OSBPL10: variants seen among roughly 807,000 people sequenced by gnomAD.
The protein encoded by OSBPL10 is oxysterol binding protein like 10.
In OSBPL10, 49 loss-of-function variants were observed where a neutral mutation model predicts 81.7. The ratio of observed to expected loss-of-function variants is 0.60; its 90% confidence interval spans 0.48 to 0.76. The LOEUF is 0.76. Ranked by LOEUF, OSBPL10 falls within the 30% of genes least tolerant of loss-of-function variation. OSBPL10 has a pLI of 0.00. For synonymous variants in OSBPL10, 419 were observed against 383.6 expected (o/e 1.09, Z -1.08); for missense variants, 923 against 987.8 (o/e 0.93, Z 0.88).
chr3:31,784,704 T>C (rs956958983), intron 4 of OSBPL10, among the ~76,000 whole-genome samples: 1 of 151,122 alleles, frequency 6.6e-6, no homozygotes, highest in Non-Finnish European at 1.5e-5. Context: ...CACCTCAGCC[T>C]CCCCAGTAAC....
In OSBPL10 at chr3:31,834,869, G is replaced by A. The variant is rs147170903; in HGVS notation, c.538-4638C>T. ...GTCAACTGCCTGAGTTCAAATCTGG[G>A]CTCCAACACTTGCAAGCTGTGTAAC... On this transcript the variant is annotated intron_variant, in intron 3 of 11. Coordinates refer to ENST00000396556, the MANE Select transcript of OSBPL10 (RefSeq NM_017784.5). Among the ~76,000 whole-genome samples the A allele has an allele frequency of 2.9e-3, 439 of 152,220 alleles. 3 individuals are homozygous for A. The highest frequency in any genetic ancestry group is 9.5e-3 in the African/African-American group (394 of 41,534).
chr3:31,763,051 G>A (rs981187653), intron 4 of OSBPL10, among the ~76,000 whole-genome samples: 8 of 152,034 alleles, frequency 5.3e-5, no homozygotes, highest in African/African-American at 1.2e-4. Context: ...CATCCGGAAC[G>A]GAATGAGAAC....
chr3:32,071,465 C>A (rs184468536), intron 1 of OSBPL10, among the ~76,000 whole-genome samples: 135 of 152,340 alleles, frequency 8.9e-4, no homozygotes, highest in Admixed American at 1.4e-3. Flanking sequence ...CATCCCAACC[C>A]TTTTCATTAC....
At chr3:31,733,690 T>G (rs1021704149) in intron 5 of OSBPL10, among the ~76,000 whole-genome samples, 31 of 54,416 alleles carry the variant, frequency 5.7e-4, no homozygotes, top group Admixed American at 8.1e-4. Flanking sequence ...AAGGTGTTTT[T>G]TTTTTTTTTT....
At chr3:31,929,384 T>C (rs994789979) in intron 1 of OSBPL10, among the ~76,000 whole-genome samples, 1 of 152,188 alleles carries the variant, frequency 6.6e-6, no homozygotes, top group Non-Finnish European at 1.5e-5. Flanking sequence ...TATGTGGCTT[T>C]AATACAGACA....
intron 1 of OSBPL10, among the ~76,000 whole-genome samples, chr3:31,947,629 TA>T (rs1163680958): frequency 1.3e-5 from 2 of 152,056 alleles, no homozygotes; most frequent in African/African-American, 2.4e-5. Flanking sequence ...GGTGGAAGTC[TA>T]AAGATGACCA....
chr3:31,891,129 A>G (rs1478893235), intron 1 of OSBPL10, among the ~76,000 whole-genome samples: 1 of 152,192 alleles, frequency 6.6e-6, no homozygotes, highest in Non-Finnish European at 1.5e-5. Flanking sequence ...CCTGAATTCA[A>G]AGTGTCCTTT....
chr3:31,896,273 C>T (rs890347095), intron 1 of OSBPL10, among the ~76,000 whole-genome samples: 2 of 152,186 alleles, frequency 1.3e-5, no homozygotes, highest in Non-Finnish European at 2.9e-5. Context: ...ACAATAATTA[C>T]TCCTCAAAAG....
chr3:31,990,708 T>G (rs948420228), intron 2 of OSBPL10: 1 of 1,613,984 alleles, frequency 6.2e-7, no homozygotes, highest in Non-Finnish European at 8.5e-7. Flanking sequence ...GTGAAGAATG[T>G]GACACAGTTT....
chr3:32,011,531 A>C (rs1261810084), intron 2 of OSBPL10, among the ~76,000 whole-genome samples: 2 of 152,222 alleles, frequency 1.3e-5, no homozygotes, highest in African/African-American at 4.8e-5. Context: ...AAAATCAGAG[A>C]GCCTCTCCTC....
chr3:31,900,260 C>T (rs138660472), intron 1 of OSBPL10, among the ~76,000 whole-genome samples: 1 of 152,100 alleles, frequency 6.6e-6, no homozygotes, highest in East Asian at 1.9e-4. Flanking sequence ...CCAGGCTGGT[C>T]TCGAACTCCT....
At chr3:31,771,556 A>G (rs1575534021) in intron 4 of OSBPL10, among the ~76,000 whole-genome samples, 2 of 152,158 alleles carry the variant, frequency 1.3e-5, no homozygotes, top group Admixed American at 6.5e-5. Flanking sequence ...GACCTCCACA[A>G]ACAAGTTTTA....
chr3:31,734,837 A>T (rs762996985), intron 5 of OSBPL10, among the ~76,000 whole-genome samples: 4 of 152,238 alleles, frequency 2.6e-5, no homozygotes, highest in Admixed American at 6.5e-5. Context: ...AAATTAGGCT[A>T]AAGTACAGCA....
Position 32,034,300 on chromosome 3 carries a change from G to T in OSBPL10, n.298+12191C>A, listed in dbSNP as rs547397171. ...TACAAAAAATAAAAAGATTAGCCAG[G>T]TATGGTGGCCCCAGCCTGTAGTCCC... On this transcript the variant is annotated intron_variant and non_coding_transcript_variant, in intron 2 of 3. Transcript: ENST00000479173. 2.6e-5 allele frequency among the ~76,000 whole-genome samples: 4 copies of T among 152,136 alleles called. No homozygotes were observed. In the South Asian group the frequency reaches 8.3e-4, roughly 32 times the overall value.
chr3:31,850,545 T>C (rs1700738709), intron 3 of OSBPL10, among the ~76,000 whole-genome samples: 1 of 152,074 alleles, frequency 6.6e-6, no homozygotes, highest in South Asian at 2.1e-4. Flanking sequence ...GCTTCCAACG[T>C]GTAAAAAAGG....
intron 8 of OSBPL10, among the ~76,000 whole-genome samples, chr3:31,680,112 G>T (rs902148370): frequency 3.9e-5 from 6 of 152,164 alleles, no homozygotes; most frequent in Admixed American, 1.3e-4. Flanking sequence ...GAGTTCAGGA[G>T]AACAAGCAGT....
intron 4 of OSBPL10, among the ~76,000 whole-genome samples, chr3:31,800,770 A>T (rs1484743409): frequency 6.6e-6 from 1 of 152,208 alleles, no homozygotes; most frequent in Non-Finnish European, 1.5e-5. Context: ...TGAAAAGAAA[A>T]CCATGCTGAC....
intron 3 of OSBPL10, among the ~76,000 whole-genome samples, chr3:31,830,679 T>C (rs1700217608): frequency 6.6e-6 from 1 of 152,216 alleles, no homozygotes; most frequent in African/African-American, 2.4e-5. Flanking sequence ...TCTGCTGCTC[T>C]TATTCCACTG....
chr3:31,884,002 C>T (rs1173878602), intron 1 of OSBPL10, among the ~76,000 whole-genome samples: 1 of 152,244 alleles, frequency 6.6e-6, no homozygotes. Context: ...AACCTGCCAG[C>T]TTGCCAGCTT....
Sources: allele counts gnomAD v4.1 joint callset (sites outside exome capture counted in the v4.1 genomes callset), GRCh38; gene constraint gnomAD v4.1.1; transcripts MANE v1.5; gene names NCBI Gene and HGNC (gene_info 2026-07-23, HGNC 2026-07-21).